Variants in CCSER1 observed in about 807,000 individuals in gnomAD.
CCSER1 encodes the protein coiled-coil serine rich protein 1.
In CCSER1, 41 loss-of-function variants were observed where a neutral mutation model predicts 82.0. The ratio of observed to expected loss-of-function variants is 0.50; its 90% confidence interval spans 0.39 to 0.65. The LOEUF is 0.65. CCSER1 is among the 30% of genes least tolerant of loss of function. The pLI is 0.00. For missense variants in CCSER1, 1,119 were observed against 1,064.2 expected, an observed-to-expected ratio of 1.05 and a Z score of -0.72; for synonymous variants, 414 against 383.9, an observed-to-expected ratio of 1.08 and a Z score of -0.92.
chr4:91,020,173 T>C (rs1017968575), intron 9 of CCSER1, among the ~76,000 whole-genome samples: 4 of 152,206 alleles, frequency 2.6e-5, no homozygotes, highest in African/African-American at 9.7e-5. Context: ...GATGGAATTT[T>C]TTCTGTACTT....
chr4:91,415,160 C>G (rs1753278865), intron 10 of CCSER1, among the ~76,000 whole-genome samples: 1 of 152,026 alleles, frequency 6.6e-6, no homozygotes, highest in African/African-American at 2.4e-5. Context: ...AGAATATTCT[C>G]CAAGATAGCA....
At position 91,013,731 on chromosome 4, in the gene CCSER1, C is replaced by A. The variant is rs572303151; in HGVS notation, c.2173-72219C>A. 6.3e-5 allele frequency among the ~76,000 whole-genome samples: 8 copies of A among 126,994 alleles called. 1 individual carries two copies. The highest frequency in any genetic ancestry group is 2.0e-4 in the African/African-American group (8 of 39,252). 83.3% of individuals were successfully genotyped at this position (126,994 alleles called of 152,430 possible). ...CATTCTCCTGCCTCAGGCTCCCGAG[C>A]AGCTGGGACTCCAGGCACCTGTCAC... On this transcript the variant is annotated intron_variant, in intron 9 of 10. Coordinates refer to ENST00000509176, the MANE Select transcript of CCSER1 (RefSeq NM_001145065.2).
intron 10 of CCSER1, among the ~76,000 whole-genome samples, chr4:91,177,095 G>C (rs1034382197): frequency 7.9e-5 from 12 of 152,028 alleles, no homozygotes; most frequent in African/African-American, 2.4e-4. Context: ...TTTTGTCTTC[G>C]GTTCTGTTTA....
chr4:91,275,609 T>G (rs555304722), intron 10 of CCSER1, among the ~76,000 whole-genome samples: 1 of 152,352 alleles, frequency 6.6e-6, no homozygotes, highest in African/African-American at 2.4e-5. Flanking sequence ...AAATATTTTC[T>G]CTCATTCTAT....
At chr4:91,502,101 C>G (rs971161970) in intron 10 of CCSER1, among the ~76,000 whole-genome samples, 1 of 152,178 alleles carries the variant, frequency 6.6e-6, no homozygotes, top group Non-Finnish European at 1.5e-5. Context: ...AACTGGTATA[C>G]AGGAGTGCTA....
chr4:91,457,337 T>C (rs548291528), intron 10 of CCSER1, among the ~76,000 whole-genome samples: 1 of 152,216 alleles, frequency 6.6e-6, no homozygotes, highest in South Asian at 2.1e-4. Context: ...TCAACTCCTA[T>C]TTTTGTTTAG....
At chr4:90,485,357 C>T (rs762290746) in intron 5 of CCSER1, among the ~76,000 whole-genome samples, 18 of 152,190 alleles carry the variant, frequency 1.2e-4, no homozygotes, top group Admixed American at 3.3e-4. Context: ...CTTCGGTTCA[C>T]GCACGGTGCG....
chr4:91,562,519 T>A lies in CCSER1; in HGVS notation c.2218-36053T>A, dbSNP rs555654795. On this transcript the variant is annotated intron_variant, in intron 10 of 10. Coordinates refer to ENST00000509176, the MANE Select transcript of CCSER1 (RefSeq NM_001145065.2). Reference sequence around the variant, plus strand: ...GAGCAGCTGTTGTCCTGTGTAAACATGCCAAATTTAAATTTTAAATAGATG... The same window carrying A: ...GAGCAGCTGTTGTCCTGTGTAAACAAGCCAAATTTAAATTTTAAATAGATG... 2.0e-5 allele frequency among the ~76,000 whole-genome samples: 3 copies of A among 151,626 alleles called. No individual in the cohort carries two copies. In the South Asian group the frequency reaches 6.2e-4, roughly 31 times the overall value.
chr4:91,262,733 C>T (rs1269639994), intron 10 of CCSER1, among the ~76,000 whole-genome samples: 1 of 151,830 alleles, frequency 6.6e-6, no homozygotes, highest in African/African-American at 2.4e-5. Flanking sequence ...TTTTACCATA[C>T]CTGAATAGGA....
At chr4:90,780,775 G>A (rs1753659241) in intron 7 of CCSER1, 2 of 1,174,038 alleles carry the variant, frequency 1.7e-6, no homozygotes, top group Non-Finnish European at 2.1e-6. Flanking sequence ...AAACTAAATT[G>A]ACTAAAGTAT....
chr4:90,963,221 G>T (rs897487998), intron 9 of CCSER1, among the ~76,000 whole-genome samples: 1 of 152,058 alleles, frequency 6.6e-6, no homozygotes, highest in Admixed American at 6.6e-5. Flanking sequence ...AAATTCTGAA[G>T]CAAATTTGAT....
chr4:90,866,206 TCTC>T (rs1386213583), intron 8 of CCSER1, among the ~76,000 whole-genome samples: 1 of 151,798 alleles, frequency 6.6e-6, no homozygotes, highest in African/African-American at 2.4e-5. Context: ...CCCTCTCTCT[TCTC>T]CTTGACAATG....
intron 10 of CCSER1, among the ~76,000 whole-genome samples, chr4:91,212,891 T>C (rs1188275247): frequency 5.9e-5 from 9 of 152,052 alleles, no homozygotes; most frequent in Non-Finnish European, 1.2e-4. Flanking sequence ...CCCACCTCCT[T>C]CTCTCCCTAC....
chr4:91,511,615 G>C (rs1759830416), intron 10 of CCSER1, among the ~76,000 whole-genome samples: 1 of 152,122 alleles, frequency 6.6e-6, no homozygotes, highest in African/African-American at 2.4e-5. Context: ...TCCACCTCCT[G>C]TCAGATCAAT....
intron 7 of CCSER1, among the ~76,000 whole-genome samples, chr4:90,766,895 G>A (rs1050701500): frequency 4.0e-5 from 6 of 151,894 alleles, no homozygotes; most frequent in South Asian, 2.1e-4. Flanking sequence ...GAGCTCATAC[G>A]AGATGTGATC....
At chr4:91,561,108 C>T (rs1325665123) in intron 10 of CCSER1, among the ~76,000 whole-genome samples, 3 of 151,428 alleles carry the variant, frequency 2.0e-5, no homozygotes. Flanking sequence ...ATTCTCACTC[C>T]AACCTGGAAT....
intron 3 of CCSER1, among the ~76,000 whole-genome samples, chr4:90,397,279 C>A (rs920692682): frequency 1.3e-5 from 2 of 152,102 alleles, no homozygotes; most frequent in Non-Finnish European, 2.9e-5. Context: ...AGAACAATGT[C>A]GTGAATTTTC....
intron 5 of CCSER1, among the ~76,000 whole-genome samples, chr4:90,555,610 G>A (rs947258804): frequency 2.6e-5 from 4 of 151,930 alleles, no homozygotes; most frequent in African/African-American, 9.7e-5. Context: ...TGAGAGAAAA[G>A]ATAAAGGACA....
chr4:90,236,861 C>A (rs1333863025), intron 1 of CCSER1, among the ~76,000 whole-genome samples: 1 of 151,390 alleles, frequency 6.6e-6, no homozygotes, highest in African/African-American at 2.4e-5. Flanking sequence ...ATATGTGTAT[C>A]CTATATGTGT....
Sources: allele counts gnomAD v4.1 joint callset (sites outside exome capture counted in the v4.1 genomes callset), GRCh38; gene constraint gnomAD v4.1.1; transcripts MANE v1.5; gene names NCBI Gene and HGNC (gene_info 2026-07-23, HGNC 2026-07-21).